DNAJB4: variants seen among roughly 807,000 people sequenced by gnomAD.
DNAJB4 encodes dnaJ homolog subfamily B member 4.
A neutral mutation model predicts 26.6 loss-of-function variants in DNAJB4; 10 were observed. That is an observed-to-expected ratio of 0.38 (90% CI 0.23 to 0.64). DNAJB4 has a LOEUF of 0.64. Among genes scored for constraint, DNAJB4 ranks in the 30% least tolerant of loss-of-function variants. The probability of loss-of-function intolerance (pLI) is 0.58; values close to 1 mark genes in which losing one functional copy is unlikely to be tolerated. For synonymous variants in DNAJB4, 136 were observed against 134.8 expected, an observed-to-expected ratio of 1.01 and a Z score of -0.06; for missense variants, 328 against 408.2, an observed-to-expected ratio of 0.80 and a Z score of 1.69.
At chr1:77,992,195 C>T (rs1020600784) in intron 1 of DNAJB4, among the ~76,000 whole-genome samples, 4 of 151,738 alleles carry the variant, frequency 2.6e-5, no homozygotes, top group South Asian at 2.1e-4. Flanking sequence ...GGGCGGATCA[C>T]GAGGTCAGGA....
upstream of DNAJB4, among the ~76,000 whole-genome samples, chr1:78,000,245 CATG>C (rs1273843680): frequency 6.6e-6 from 1 of 152,166 alleles, no homozygotes; most frequent in Non-Finnish European, 1.5e-5. Context: ...AGATCATCAT[CATG>C]ATAAGAGTAG....
At chr1:77,984,959 A>G (rs1659758014) in intron 1 of DNAJB4, among the ~76,000 whole-genome samples, 1 of 152,208 alleles carries the variant, frequency 6.6e-6, no homozygotes, top group African/African-American at 2.4e-5. Flanking sequence ...GATTAATTGC[A>G]GAGCCAAGAC....
chr1:78,012,017 T>C (rs935695160), intron 1 of DNAJB4, among the ~76,000 whole-genome samples: 9 of 149,192 alleles, frequency 6.0e-5, no homozygotes, highest in Admixed American at 1.3e-4. Flanking sequence ...CACTTTGTGT[T>C]GATTGCTGAA....
chr1:78,005,017 A>G lies in DNAJB4; in HGVS notation c.-94A>G. The G allele has an allele frequency of 7.8e-7, 1 of 1,283,400 alleles. No individual in the cohort carries two copies. The allele number at this position is 1,283,400 out of a possible 1,614,324, so 79.5% of individuals were successfully genotyped here. ...TTGCTGATTAACTTTTAAAATACCCAGCTTGGTTTATTTTTCTTAGAATCT... is the reference window on the plus strand; with the variant it reads ...TTGCTGATTAACTTTTAAAATACCCGGCTTGGTTTATTTTTCTTAGAATCT... On this transcript the variant is annotated 5_prime_UTR_variant, in exon 1 of 3. Transcript: ENST00000370763.
chr1:78,005,103 C>T lies in DNAJB4; in HGVS notation c.-8C>T, dbSNP rs1376150893. 6.2e-7 allele frequency: 1 copy of T among 1,609,462 alleles called. No homozygotes were observed. Among genetic ancestry groups the T allele is most frequent in the Non-Finnish European group, 8.5e-7 (1 of 1,178,152 alleles). On this transcript the variant is annotated 5_prime_UTR_variant, in exon 1 of 3. Transcript: ENST00000370763. ...AGGGAAATCTAAGTTAATTTCAAGGCATTCGAAATGGGGAAAGACTATTAT... is the reference window on the plus strand; with the variant it reads ...AGGGAAATCTAAGTTAATTTCAAGGTATTCGAAATGGGGAAAGACTATTAT...
chr1:78,003,265 C>T (rs1193400947), upstream of DNAJB4, among the ~76,000 whole-genome samples: 2 of 151,980 alleles, frequency 1.3e-5, no homozygotes, highest in Non-Finnish European at 2.9e-5. Context: ...GCATTTTTCA[C>T]TAAGTTTTTT....
intron 1 of DNAJB4, among the ~76,000 whole-genome samples, chr1:77,987,501 G>A (rs1450348862): frequency 6.6e-6 from 1 of 152,162 alleles, no homozygotes; most frequent in African/African-American, 2.4e-5. Context: ...CTGGCCTCAA[G>A]CAGTCCTTCT....
chr1:77,995,878 G>A (rs576012684), intron 1 of DNAJB4, among the ~76,000 whole-genome samples: 1 of 152,252 alleles, frequency 6.6e-6, no homozygotes, highest in African/African-American at 2.4e-5. Context: ...CCCGGGAGGC[G>A]GAGGTTACAG....
At chr1:78,012,866 A>G (rs955291823) in intron 1 of DNAJB4, among the ~76,000 whole-genome samples, 185 bp from the exon 2 acceptor site, 9 of 152,208 alleles carry the variant, frequency 5.9e-5, no homozygotes, top group African/African-American at 1.4e-4. Flanking sequence ...AAACTTAACA[A>G]TTTAACTTAG....
chr1:77,996,647 G>A (rs1173921214), intron 1 of DNAJB4, among the ~76,000 whole-genome samples: 2 of 151,758 alleles, frequency 1.3e-5, no homozygotes, highest in East Asian at 1.9e-4. Flanking sequence ...ATAGTGCTTC[G>A]GGGAAAGTAT....
chr1:77,982,885 T>C (rs1438457043), intron 1 of DNAJB4, among the ~76,000 whole-genome samples: 7 of 152,326 alleles, frequency 4.6e-5, no homozygotes, highest in Non-Finnish European at 8.8e-5. Flanking sequence ...CGTAAAAGCT[T>C]CCTGGGTTAA....
intron 1 of DNAJB4, among the ~76,000 whole-genome samples, chr1:77,998,242 G>T (rs545711625): frequency 6.6e-6 from 1 of 152,130 alleles, no homozygotes; most frequent in Non-Finnish European, 1.5e-5. Flanking sequence ...ATAAATATTT[G>T]CTGAGTGATT....
chr1:77,989,174 T>C (rs1446101020), intron 1 of DNAJB4, among the ~76,000 whole-genome samples: 2 of 152,220 alleles, frequency 1.3e-5, no homozygotes, highest in Admixed American at 6.5e-5. Context: ...TAAATTGTCG[T>C]CGTCTACTTC....
chr1:78,003,027 C>T (rs751771676), upstream of DNAJB4, among the ~76,000 whole-genome samples: 6 of 150,996 alleles, frequency 4.0e-5, no homozygotes, highest in Admixed American at 2.0e-4. Context: ...AAATAAGTGT[C>T]TATTTTTTTT....
intron 1 of DNAJB4, among the ~76,000 whole-genome samples, chr1:78,007,570 G>C (rs762169865): frequency 1.3e-5 from 2 of 151,930 alleles, no homozygotes; most frequent in Non-Finnish European, 2.9e-5. Flanking sequence ...GACAGAGCGA[G>C]ACCTCATCTC....
chr1:77,992,135 C>T (rs1571427987), intron 1 of DNAJB4, among the ~76,000 whole-genome samples: 1 of 151,986 alleles, frequency 6.6e-6, no homozygotes, highest in South Asian at 2.1e-4. Context: ...CAAATGAGGC[C>T]GGGCGCGGTG....
At chr1:78,004,846 G>A, upstream of DNAJB4, 4 of 428,210 alleles carry the variant, frequency 9.3e-6, no homozygotes, top group Non-Finnish European at 1.7e-5. Flanking sequence ...TGCTGTTCTA[G>A]AAAGTACAGA....
At chr1:78,003,460 ACATT>A (rs1197078670), upstream of DNAJB4, among the ~76,000 whole-genome samples, 1 of 152,206 alleles carries the variant, frequency 6.6e-6, no homozygotes, top group Non-Finnish European at 1.5e-5. Context: ...ACAAAGATGA[ACATT>A]CAGAAAGAAT....
chr1:78,009,993 G>A (rs1347726364), intron 1 of DNAJB4, among the ~76,000 whole-genome samples: 1 of 152,114 alleles, frequency 6.6e-6, no homozygotes, highest in Non-Finnish European at 1.5e-5. Flanking sequence ...GTTTAATAGT[G>A]TCTAGGAAAA....
Sources: gnomAD v4.1 joint callset for allele counts (sites outside exome capture counted in the v4.1 genomes callset) on GRCh38, gnomAD v4.1.1 for gene constraint, MANE v1.5 for transcripts, NCBI Gene and HGNC (gene_info 2026-07-23, HGNC 2026-07-21) for gene names.